SASH1: variants seen among roughly 807,000 people sequenced by gnomAD.
SASH1 encodes the protein SAM and SH3 domain-containing protein 1.
A neutral mutation model predicts 125.2 loss-of-function variants in SASH1; 44 were observed. The ratio of observed to expected loss-of-function variants is 0.35; its 90% CI spans 0.28 to 0.45. The LOEUF is 0.45. SASH1 is among the 20% of genes least tolerant of loss of function. The pLI is 1.00. For missense variants in SASH1, 1,426 were observed against 1,614.5 expected, an observed-to-expected ratio of 0.88 and a Z score of 2.00; for synonymous variants, 639 against 649.1, an observed-to-expected ratio of 0.98 and a Z score of 0.24.
chr6:148,196,306 G>T, the SASH1 span, among the ~76,000 whole-genome samples: 1,000 of 152,344 alleles, frequency 6.6e-3, 10 homozygotes, highest in Middle Eastern at 0.027. Flanking sequence ...GCAGCTTTAA[G>T]TCTCAAGGCT....
At chr6:148,230,241 T>C in the SASH1 span, among the ~76,000 whole-genome samples, 2 of 152,236 alleles carry the variant, frequency 1.3e-5, no homozygotes, top group Admixed American at 1.3e-4. Context: ...GTGTCAGTGT[T>C]TCATTCATTT....
rs1417780132 is a variant in SASH1, at chr6:148,342,936, G to C, written c.-132G>C. On this transcript the variant is annotated 5_prime_UTR_variant, in exon 1 of 20. Transcript: ENST00000367467. The stretch of plus-strand genomic sequence containing the variant: ...CCCCCGCGGGGTGGCCGGGGCCGCC[G>C]GGGCATGCAGCGCGGGGGCGCGGCT... The C allele has an allele frequency of 7.1e-6, 6 of 840,824 alleles. No homozygotes were observed. Among genetic ancestry groups the C allele is most frequent in the Non-Finnish European group, 8.6e-6 (6 of 697,934 alleles). The allele number at this position is 840,824 out of a possible 1,614,324, so 52.1% of individuals were successfully genotyped here.
chr6:148,394,790 G>A (rs1783880867), intron 2 of SASH1, among the ~76,000 whole-genome samples: 1 of 152,112 alleles, frequency 6.6e-6, no homozygotes, highest in South Asian at 2.1e-4. Flanking sequence ...GATTACAGGT[G>A]TGTACCACCC....
intron 7 of SASH1, chr6:148,479,098 G>A (rs1238225380): frequency 1.3e-5 from 2 of 148,636 alleles, no homozygotes; most frequent in African/African-American, 2.5e-5. Context: ...AGCCAGGCTG[G>A]AGTGAAGTAG....
In SASH1 at chr6:148,533,033, C is replaced by T; in HGVS notation, c.1734+67C>T. ...CCATTTCTCTAGGAGGCTTTCTTTC[C>T]TCCTCACTGTTGAATGCTGGGCTAC... On this transcript the variant is annotated intron_variant, in intron 14 of 19. Transcript: ENST00000367467. This position sits in a 1 kb window ranked among gnomAD's most constrained non-coding sequence, Gnocchi z 6.2. The T allele has an allele frequency of 1.3e-6, 2 of 1,536,066 alleles. No homozygotes were observed. Among genetic ancestry groups the T allele is most frequent in the Non-Finnish European group, 1.8e-6 (2 of 1,114,340 alleles).
At chr6:148,259,777 T>C in the SASH1 span, among the ~76,000 whole-genome samples, 29 of 152,244 alleles carry the variant, frequency 1.9e-4, no homozygotes, top group African/African-American at 7.0e-4. Flanking sequence ...CCCCTTATAC[T>C]AAGAAGGGAG....
intron 1 of SASH1, among the ~76,000 whole-genome samples, chr6:148,317,101 T>C (rs1200949044): frequency 7.2e-5 from 11 of 152,152 alleles, no homozygotes; most frequent in East Asian, 1.9e-4. Flanking sequence ...GTGGCTTTCA[T>C]TGGAAAATCT....
chr6:148,548,077 C>T (rs1302085860), intron 19 of SASH1, among the ~76,000 whole-genome samples: 1 of 152,252 alleles, frequency 6.6e-6, no homozygotes, highest in Non-Finnish European at 1.5e-5. Context: ...CTCATTCCAA[C>T]ACCTTCGAGA....
chr6:148,444,025 A>G lies in SASH1; in HGVS notation c.386+3618A>G, dbSNP rs138743934. Among the ~76,000 whole-genome samples the G allele has an allele frequency of 1.4e-3, 215 of 152,302 alleles. 3 individuals are homozygous for G. The highest frequency in any genetic ancestry group is 4.9e-3 in the African/African-American group (202 of 41,544). On this transcript the variant is annotated intron_variant, in intron 4 of 19. Transcript: ENST00000367467. ...GTTTTCTCTGCTTTTTATTCCAAAAACAAGAGAACTTAGAAAACACATGTG... is the reference window on the plus strand; with the variant it reads ...GTTTTCTCTGCTTTTTATTCCAAAAGCAAGAGAACTTAGAAAACACATGTG...
At chr6:148,411,795 C>T (rs531347869) in intron 2 of SASH1, among the ~76,000 whole-genome samples, 6 of 152,270 alleles carry the variant, frequency 3.9e-5, no homozygotes, top group Admixed American at 1.3e-4. Context: ...CTGCCTGCCT[C>T]GGCCTCCCAA....
chr6:148,271,900 A>G (rs1371941918), upstream of SASH1, among the ~76,000 whole-genome samples: 1 of 152,190 alleles, frequency 6.6e-6, no homozygotes, highest in Non-Finnish European at 1.5e-5. Flanking sequence ...ACTATATTCA[A>G]TGAGCCAAAC....
At chr6:148,282,827 G>A (rs1023615148) in intron 1 of SASH1, among the ~76,000 whole-genome samples, 1 of 151,996 alleles carries the variant, frequency 6.6e-6, no homozygotes, top group Non-Finnish European at 1.5e-5. Context: ...TTTCAGATGC[G>A]GTATCCTTTC....
At chr6:148,343,725 G>C (rs1468096569) in intron 1 of SASH1, among the ~76,000 whole-genome samples, 1 of 152,038 alleles carries the variant, frequency 6.6e-6, no homozygotes, top group Non-Finnish European at 1.5e-5. Flanking sequence ...TTATATGTTT[G>C]GGGCTAAAAC....
Position 148,495,337 on chromosome 6 carries a change from G to A in SASH1, c.729+7622G>A, listed in dbSNP as rs1339294278. 1.3e-5 allele frequency among the ~76,000 whole-genome samples: 2 copies of A among 152,178 alleles called. No homozygotes were observed. Among genetic ancestry groups the A allele is most frequent in the Non-Finnish European group, 2.9e-5 (2 of 68,032 alleles). ...TTTCACTGCTTTTTGGAGCAGAGTG[G>A]CAGCATCCTTCTACTTGTATAACCA... is the stretch of plus-strand genomic sequence containing the variant. On this transcript the variant is annotated intron_variant, in intron 8 of 19. Coordinates refer to ENST00000367467, the MANE Select transcript of SASH1 (RefSeq NM_015278.5). This position sits in a 1 kb window ranked among gnomAD's most constrained non-coding sequence, Gnocchi z 4.0.
At chr6:148,286,521 G>A (rs1185244593) in intron 1 of SASH1, among the ~76,000 whole-genome samples, 2 of 152,180 alleles carry the variant, frequency 1.3e-5, no homozygotes, top group East Asian at 3.9e-4. Context: ...CTGTCCCAGA[G>A]GCTTGAAGTT....
the SASH1 span, among the ~76,000 whole-genome samples, chr6:148,224,130 C>T: frequency 1.3e-5 from 2 of 152,078 alleles, no homozygotes; most frequent in Non-Finnish European, 1.5e-5. Flanking sequence ...CTTGTCTCTA[C>T]CAAAAATTTT....
chr6:148,293,353 T>C (rs1162361860), intron 1 of SASH1, among the ~76,000 whole-genome samples: 1 of 152,106 alleles, frequency 6.6e-6, no homozygotes, highest in Non-Finnish European at 1.5e-5. Flanking sequence ...ACATCTCCGA[T>C]TGGTTTGCAG....
At chr6:148,252,898 A>T in the SASH1 span, among the ~76,000 whole-genome samples, 1 of 152,190 alleles carries the variant, frequency 6.6e-6, no homozygotes, top group African/African-American at 2.4e-5. Flanking sequence ...CTCACAAGGT[A>T]CCCATCAGGA....
At chr6:148,381,843 C>T (rs1297604201) in intron 1 of SASH1, among the ~76,000 whole-genome samples, 1 of 151,604 alleles carries the variant, frequency 6.6e-6, no homozygotes. Flanking sequence ...TTTTGGTTGG[C>T]CAGGCTGGTC....
Sources: gnomAD v4.1 joint callset for allele counts (sites outside exome capture counted in the v4.1 genomes callset) on GRCh38, gnomAD v4.1.1 for gene constraint, Gnocchi (gnomAD v3.1) non-coding constraint, MANE v1.5 for transcripts, NCBI Gene and HGNC (gene_info 2026-07-23, HGNC 2026-07-21) for gene names.